PPP1R9A: variants seen among roughly 807,000 people sequenced by gnomAD.
The protein encoded by PPP1R9A is neurabin-1.
PPP1R9A carries 59 observed loss-of-function variants against 141.9 expected under a neutral mutation model. That is an observed-to-expected ratio of 0.42 (90% CI 0.34 to 0.52). The LOEUF (loss-of-function observed/expected upper bound fraction) is 0.52. Among genes scored for constraint, PPP1R9A ranks in the 20% least tolerant of loss-of-function variants. The pLI is 0.10. For synonymous variants in PPP1R9A, 500 were observed against 569.7 expected (o/e 0.88, Z 1.74); for missense variants, 1,444 against 1,611.9 (o/e 0.90, Z 1.78).
chr7:95,130,347 G>A (rs1824362620), intron 4 of PPP1R9A, among the ~76,000 whole-genome samples: 2 of 152,206 alleles, frequency 1.3e-5, no homozygotes, highest in Admixed American at 6.5e-5. Context: ...GAGCCTGCAA[G>A]TGCACAAAAG....
At chr7:95,256,640 A>G (rs1313242018) in intron 12 of PPP1R9A, among the ~76,000 whole-genome samples, 1 of 152,110 alleles carries the variant, frequency 6.6e-6, no homozygotes, top group East Asian at 1.9e-4. Flanking sequence ...AGTAAGTACT[A>G]CCAGATAAGC....
At chr7:94,970,408 C>T (rs1451157194) in intron 2 of PPP1R9A, among the ~76,000 whole-genome samples, 4 of 152,154 alleles carry the variant, frequency 2.6e-5, no homozygotes, top group Non-Finnish European at 5.9e-5. Context: ...AGGGAGTTCC[C>T]TGACCCCTTG....
chr7:95,217,046 A>G (rs1793560050), intron 7 of PPP1R9A, among the ~76,000 whole-genome samples: 1 of 152,160 alleles, frequency 6.6e-6, no homozygotes, highest in South Asian at 2.1e-4. Flanking sequence ...GTCTTGTGCC[A>G]GTTTTCAAAG....
intron 7 of PPP1R9A, chr7:95,214,268 G>A (rs1792801281): frequency 6.6e-6 from 1 of 152,134 alleles, no homozygotes; most frequent in Non-Finnish European, 1.5e-5. Flanking sequence ...CAGAGCCGTG[G>A]TCATCCAAAT....
chr7:95,021,849 A>T (rs543520326), intron 2 of PPP1R9A, among the ~76,000 whole-genome samples: 1 of 152,156 alleles, frequency 6.6e-6, no homozygotes, highest in Non-Finnish European at 1.5e-5. Context: ...TTGTACCAGT[A>T]CCATGCTGTT....
intron 16 of PPP1R9A, among the ~76,000 whole-genome samples, chr7:95,282,340 G>A (rs1804417852): frequency 6.6e-6 from 1 of 152,052 alleles, no homozygotes; most frequent in East Asian, 1.9e-4. Flanking sequence ...TCAAAAAAAA[G>A]AAAACAGAAG....
rs1283523903 is a variant in PPP1R9A, at chr7:95,269,288, G to C, written c.2905G>C (p.Asp969His). Residue 969 changes from aspartate (D) to histidine (H), a missense_variant, in exon 14 of 20, where the codon GAT becomes CAT. By Grantham distance (81) the Asp-to-His change is moderately conservative (BLOSUM62 -1). This residue lies in a region of PPP1R9A where 459 missense variants were observed against 513.8 expected (regional missense o/e 0.89). Transcript: ENST00000433360. Reference protein sequence around the residue: ...KGLRTSSPESDSGVPPLTPVD... With the variant: ...KGLRTSSPESHSGVPPLTPVD... ...TTTGAGAACGTCTTCTCCAGAATCAGATTCTGGTGTTCCACCCCTCACCCC... is the reference window on the plus strand; with the variant it reads ...TTTGAGAACGTCTTCTCCAGAATCACATTCTGGTGTTCCACCCCTCACCCC... 15 of 1,591,432 alleles carry C rather than the reference G, an allele frequency of 9.4e-6. No individual in the cohort carries two copies. Among genetic ancestry groups the C allele is most frequent in the Middle Eastern group, 3.3e-4 (2 of 6,036 alleles).
chr7:95,114,129 T>C (rs1276677005), intron 3 of PPP1R9A, among the ~76,000 whole-genome samples: 1 of 152,134 alleles, frequency 6.6e-6, no homozygotes, highest in Non-Finnish European at 1.5e-5. Flanking sequence ...TCATCAATGG[T>C]AGAAAGGGTC....
intron 16 of PPP1R9A, among the ~76,000 whole-genome samples, chr7:95,275,075 AAGT>A (rs1802910136): frequency 6.6e-6 from 1 of 152,196 alleles, no homozygotes; most frequent in African/African-American, 2.4e-5. Context: ...GCAAGTTACA[AAGT>A]AGTTTTATAT....
intron 8 of PPP1R9A, among the ~76,000 whole-genome samples, chr7:95,236,929 GT>G (rs925844421): frequency 1.3e-5 from 2 of 149,074 alleles, no homozygotes; most frequent in Admixed American, 1.3e-4. Flanking sequence ...ATGATATAGT[GT>G]TTTTTTTCAT....
At chr7:95,229,206 T>A (rs896709369) in intron 8 of PPP1R9A, among the ~76,000 whole-genome samples, 1 of 151,910 alleles carries the variant, frequency 6.6e-6, no homozygotes, top group Non-Finnish European at 1.5e-5. Context: ...AGACTCACAT[T>A]GTGAACTTTT....
At chr7:94,953,092 T>G (rs1796660912) in intron 2 of PPP1R9A, among the ~76,000 whole-genome samples, 1 of 152,222 alleles carries the variant, frequency 6.6e-6, no homozygotes, top group Admixed American at 6.5e-5. Context: ...TGGGTTTAGG[T>G]CTTACATTTA....
chr7:95,140,667 C>T (rs892104212), intron 4 of PPP1R9A, among the ~76,000 whole-genome samples: 11 of 152,026 alleles, frequency 7.2e-5, no homozygotes, highest in East Asian at 5.8e-4. Context: ...CTGGGATTAC[C>T]GGCATGACCC....
At chr7:95,122,146 A>ATTTTTTTTT (rs1273220292) in intron 4 of PPP1R9A, among the ~76,000 whole-genome samples, 11 of 133,906 alleles carry the variant, frequency 8.2e-5, no homozygotes, top group African/African-American at 3.1e-4. Context: ...CCAGAGCACC[A>ATTTTTTTTT]TTTTTTTTTT....
intron 5 of PPP1R9A, among the ~76,000 whole-genome samples, chr7:95,174,630 G>A (rs1393969163): frequency 6.6e-6 from 1 of 152,114 alleles, no homozygotes; most frequent in Non-Finnish European, 1.5e-5. Flanking sequence ...AAAGGACTGT[G>A]TCTCTTTAAC....
intron 18 of PPP1R9A, chr7:95,287,010 G>T: frequency 2.3e-6 from 3 of 1,280,146 alleles, no homozygotes; most frequent in East Asian, 2.4e-5. Context: ...CTTCAAGCTT[G>T]GTGCAATTTT....
At chr7:95,003,067 A>G (rs1803157382) in intron 2 of PPP1R9A, among the ~76,000 whole-genome samples, 1 of 152,202 alleles carries the variant, frequency 6.6e-6, no homozygotes, top group Non-Finnish European at 1.5e-5. Context: ...GTATGTAAGA[A>G]TAAATCAGAA....
intron 4 of PPP1R9A, among the ~76,000 whole-genome samples, chr7:95,140,886 T>C (rs2152567052): frequency 6.6e-6 from 1 of 152,154 alleles, no homozygotes; most frequent in Middle Eastern, 3.4e-3. Flanking sequence ...GCTAATTTAT[T>C]TATTTATTTT....
At chr7:94,963,633 G>A (rs1334595968) in intron 2 of PPP1R9A, among the ~76,000 whole-genome samples, 2 of 152,110 alleles carry the variant, frequency 1.3e-5, no homozygotes, top group Non-Finnish European at 2.9e-5. Context: ...CCTTTTTGTA[G>A]TCAAATAATA....
Sources: gnomAD v4.1 joint callset for allele counts (sites outside exome capture counted in the v4.1 genomes callset) on GRCh38, gnomAD v4.1.1 for gene constraint, gnomAD v4.1.1 regional missense constraint, MANE v1.5 for transcripts, NCBI Gene and HGNC (gene_info 2026-07-23, HGNC 2026-07-21) for gene names.